Variants in LUZP2 observed in about 807,000 individuals in gnomAD.
The protein encoded by LUZP2 is leucine zipper protein 2.
LUZP2 carries 52 observed loss-of-function variants against 51.6 expected under a neutral mutation model. The observed-to-expected ratio is 1.01, with a 90% CI of 0.81 to 1.27. LUZP2 has a LOEUF of 1.27. LUZP2 is among the 50% of genes most tolerant of loss of function. LUZP2 has a pLI of 0.00. For missense variants in LUZP2, 436 were observed against 395.4 expected (o/e 1.10, Z -0.87); for synonymous variants, 154 against 137.3 (o/e 1.12, Z -0.85).
intron 1 of LUZP2, among the ~76,000 whole-genome samples, chr11:24,648,424 A>G (rs1855526783): frequency 6.6e-6 from 1 of 151,998 alleles, no homozygotes. Flanking sequence ...TGCAAAATTC[A>G]GCTGCTCGGG....
chr11:24,498,536 C>T (rs1187244185), intron 1 of LUZP2, among the ~76,000 whole-genome samples: 2 of 152,074 alleles, frequency 1.3e-5, no homozygotes, highest in African/African-American at 4.8e-5. Flanking sequence ...GTGACTTTCC[C>T]AGATTAAAAT....
At chr11:25,033,789 G>C (rs942968804) in intron 9 of LUZP2, among the ~76,000 whole-genome samples, 3 of 152,002 alleles carry the variant, frequency 2.0e-5, no homozygotes, top group African/African-American at 7.2e-5. Flanking sequence ...GGTGTACATG[G>C]TTTTCATGTA....
intron 7 of LUZP2, among the ~76,000 whole-genome samples, chr11:24,971,819 A>G (rs1256437104): frequency 6.6e-6 from 1 of 151,854 alleles, no homozygotes; most frequent in African/African-American, 2.4e-5. Flanking sequence ...CTGGATTTTT[A>G]CCAGGTAAAA....
intron 1 of LUZP2, among the ~76,000 whole-genome samples, chr11:24,650,301 C>A (rs1277523958): frequency 6.6e-6 from 1 of 151,830 alleles, no homozygotes; most frequent in African/African-American, 2.4e-5. Context: ...CCTCTAGGAC[C>A]ATATCCCATC....
intron 9 of LUZP2, among the ~76,000 whole-genome samples, chr11:25,034,524 T>C (rs1453311043): frequency 6.6e-6 from 1 of 152,156 alleles, no homozygotes; most frequent in Non-Finnish European, 1.5e-5. Flanking sequence ...TTTTCCAAGT[T>C]GTCTTCCTGG....
At chr11:24,947,910 C>T (rs1854944924) in intron 7 of LUZP2, among the ~76,000 whole-genome samples, 2 of 152,008 alleles carry the variant, frequency 1.3e-5, no homozygotes, top group South Asian at 4.1e-4. Flanking sequence ...TGCCTTTCAA[C>T]ACTTTGACTG....
chr11:24,590,183 G>A (rs1236533183), intron 1 of LUZP2, among the ~76,000 whole-genome samples: 21 of 151,982 alleles, frequency 1.4e-4, no homozygotes, highest in Admixed American at 1.4e-3. Flanking sequence ...AACACTTAAA[G>A]GTGCATAACT....
chr11:24,705,490 A>C (rs953637095), intron 1 of LUZP2, among the ~76,000 whole-genome samples: 2 of 152,200 alleles, frequency 1.3e-5, no homozygotes, highest in Non-Finnish European at 2.9e-5. Flanking sequence ...ATGCTGCTGA[A>C]ATTAGACTTT....
At chr11:24,639,804 T>C (rs1338459075) in intron 1 of LUZP2, among the ~76,000 whole-genome samples, 1 of 151,784 alleles carries the variant, frequency 6.6e-6, no homozygotes, top group Non-Finnish European at 1.5e-5. Context: ...TTTCCTCTAC[T>C]GTAATATGTG....
chr11:24,853,837 T>C (rs146730800), intron 5 of LUZP2, among the ~76,000 whole-genome samples: 5 of 152,280 alleles, frequency 3.3e-5, no homozygotes, highest in African/African-American at 9.6e-5. Flanking sequence ...GAGTTGATGC[T>C]ATTCCTTTCT....
chr11:25,007,563 A>T (rs1565220482), intron 9 of LUZP2, among the ~76,000 whole-genome samples: 1 of 152,134 alleles, frequency 6.6e-6, no homozygotes, highest in East Asian at 1.9e-4. Flanking sequence ...AGCTCACACC[A>T]CTGTACTCCA....
At chr11:24,909,396 A>C (rs1028400386) in intron 6 of LUZP2, among the ~76,000 whole-genome samples, 1 of 152,008 alleles carries the variant, frequency 6.6e-6, no homozygotes, top group Non-Finnish European at 1.5e-5. Context: ...AAGATAGAGC[A>C]TCAATTATGT....
chr11:24,674,419 AC>A (rs1050417972), intron 1 of LUZP2, among the ~76,000 whole-genome samples: 250 of 152,264 alleles, frequency 1.6e-3, no homozygotes, highest in African/African-American at 5.8e-3. Context: ...CAAGTGTCCC[AC>A]CTTTTCATTT....
chr11:24,968,897 C>G (rs190969295), intron 7 of LUZP2, among the ~76,000 whole-genome samples: 2 of 152,154 alleles, frequency 1.3e-5, no homozygotes, highest in Non-Finnish European at 2.9e-5. Context: ...TTTCAAGGTT[C>G]GTAGCCTGGC....
At chr11:24,668,246 A>G (rs1856282250) in intron 1 of LUZP2, among the ~76,000 whole-genome samples, 1 of 152,180 alleles carries the variant, frequency 6.6e-6, no homozygotes, top group African/African-American at 2.4e-5. Flanking sequence ...TGGAAATAAA[A>G]CAAACTAATC....
chr11:24,784,355 T>C (rs994446067), intron 5 of LUZP2, among the ~76,000 whole-genome samples: 2 of 152,014 alleles, frequency 1.3e-5, no homozygotes, highest in African/African-American at 4.8e-5. Flanking sequence ...AAATGTTTTT[T>C]TGAAAAAAAA....
intron 1 of LUZP2, among the ~76,000 whole-genome samples, chr11:24,642,955 G>A (rs1192810607): frequency 6.6e-6 from 1 of 152,058 alleles, no homozygotes; most frequent in Non-Finnish European, 1.5e-5. Flanking sequence ...TGGAAGATAA[G>A]ACCTAAAGAG....
intron 5 of LUZP2, among the ~76,000 whole-genome samples, chr11:24,882,790 G>T (rs1852515018): frequency 6.8e-6 from 1 of 145,994 alleles, no homozygotes. Context: ...AAGGAAGAAA[G>T]GAAGAAAGGA....
At chr11:24,816,613 G>T (rs1850191188) in intron 5 of LUZP2, among the ~76,000 whole-genome samples, 2 of 151,904 alleles carry the variant, frequency 1.3e-5, no homozygotes, top group African/African-American at 4.8e-5. Flanking sequence ...CTGGATTCAG[G>T]ATTTTCTTTG....
Sources: gnomAD v4.1 joint callset for allele counts (sites outside exome capture counted in the v4.1 genomes callset) on GRCh38, gnomAD v4.1.1 for gene constraint, MANE v1.5 for transcripts, NCBI Gene and HGNC (gene_info 2026-07-23, HGNC 2026-07-21) for gene names.